Variants in SHC4 observed in about 807,000 individuals in gnomAD.
SHC4 encodes the protein SHC-transforming protein 4.
Under a neutral mutation model 69.4 loss-of-function variants are expected in SHC4, and 41 were observed. The observed-to-expected ratio is 0.59, with a 90% CI of 0.46 to 0.77. The LOEUF (loss-of-function observed/expected upper bound fraction) is 0.77, where lower values mean the gene tolerates loss of function less well. Among genes scored for constraint, SHC4 ranks in the 30% least tolerant of loss-of-function variants. The probability of loss-of-function intolerance (pLI) is 0.00; values close to 1 mark genes in which losing one functional copy is unlikely to be tolerated. For missense variants in SHC4, 777 were observed against 783.8 expected (o/e 0.99, Z 0.10); for synonymous variants, 318 against 299.3 (o/e 1.06, Z -0.64).
chr15:48,931,471 C>T (rs1900963706), intron 1 of SHC4, among the ~76,000 whole-genome samples: 1 of 152,166 alleles, frequency 6.6e-6, no homozygotes, highest in Non-Finnish European at 1.5e-5. Flanking sequence ...AATAGTATCA[C>T]TATCTACCTA....
chr15:48,898,718 A>G (rs1900266261), intron 2 of SHC4, among the ~76,000 whole-genome samples: 1 of 152,192 alleles, frequency 6.6e-6, no homozygotes, highest in African/African-American at 2.4e-5. Context: ...GTTAACGGAC[A>G]TTAAGTGCTG....
intron 4 of SHC4, chr15:48,878,018 C>G: frequency 2.2e-6 from 2 of 906,608 alleles, no homozygotes; most frequent in Admixed American, 2.9e-5. Flanking sequence ...CTGAGCTACT[C>G]CAACCACAGT....
intron 9 of SHC4, among the ~76,000 whole-genome samples, chr15:48,845,861 T>A (rs1333566402): frequency 1.3e-5 from 2 of 152,234 alleles, no homozygotes; most frequent in East Asian, 3.8e-4. Flanking sequence ...ATTTGTGTTT[T>A]ATGATACATG....
At chr15:48,851,857 G>T (rs951443430) in intron 8 of SHC4, among the ~76,000 whole-genome samples, 1 of 152,262 alleles carries the variant, frequency 6.6e-6, no homozygotes, top group Middle Eastern at 3.4e-3. Flanking sequence ...TCAGGAAATG[G>T]TCTTTCAGAA....
intron 1 of SHC4, among the ~76,000 whole-genome samples, chr15:48,928,096 T>C (rs1329091866): frequency 1.3e-5 from 2 of 151,964 alleles, no homozygotes; most frequent in East Asian, 3.9e-4. Context: ...CGGAGGGAGG[T>C]GAAGGCTTGG....
At chr15:48,842,607 T>C (rs1224498715) in intron 10 of SHC4, among the ~76,000 whole-genome samples, 1 of 152,108 alleles carries the variant, frequency 6.6e-6, no homozygotes, top group Non-Finnish European at 1.5e-5. Context: ...AAATATGAGA[T>C]AGTACAATTA....
At chr15:48,880,674 A>G (rs1439029229) in intron 4 of SHC4, among the ~76,000 whole-genome samples, 3 of 152,152 alleles carry the variant, frequency 2.0e-5, no homozygotes, top group Non-Finnish European at 4.4e-5. Flanking sequence ...GGGCTCTGCA[A>G]TTGACTTGGT....
chr15:48,884,984 T>C (rs1289567999), intron 3 of SHC4, among the ~76,000 whole-genome samples: 1 of 152,254 alleles, frequency 6.6e-6, no homozygotes, highest in Non-Finnish European at 1.5e-5. Context: ...AGGAAGGGGT[T>C]AGCCCATTCC....
chr15:48,872,402 G>C (rs1279704179), intron 4 of SHC4, among the ~76,000 whole-genome samples: 1 of 152,102 alleles, frequency 6.6e-6, no homozygotes, highest in African/African-American at 2.4e-5. Flanking sequence ...CATCTCTCTG[G>C]ATACAGCAGA....
chr15:48,872,330 C>T (rs573880000), intron 4 of SHC4, among the ~76,000 whole-genome samples, 188 bp from the exon 5 acceptor site: 2 of 152,286 alleles, frequency 1.3e-5, no homozygotes, highest in East Asian at 3.9e-4. Context: ...TTGTGATGCC[C>T]ATCTCACTGC....
chr15:48,949,051 C>A (rs1326529162), intron 1 of SHC4, among the ~76,000 whole-genome samples: 1 of 152,190 alleles, frequency 6.6e-6, no homozygotes, highest in Admixed American at 6.5e-5. Flanking sequence ...TCTCTCCCAT[C>A]CCATCCTAGG....
intron 2 of SHC4, among the ~76,000 whole-genome samples, chr15:48,904,929 C>CAG (rs1389665990): frequency 1.4e-5 from 2 of 138,742 alleles, no homozygotes; most frequent in Non-Finnish European, 3.1e-5. Context: ...CACACACACA[C>CAG]ACACAGACAC....
Position 48,899,582 on chromosome 15 carries a change from GT to G in SHC4, c.657-8772del, listed in dbSNP as rs559443244. On this transcript the variant is annotated intron_variant, in intron 2 of 11. Coordinates refer to ENST00000332408, the MANE Select transcript of SHC4 (RefSeq NM_203349.4). ...TAATGAATATATTACTTCTACCACT[GT>G]TTTTTTTTTTAAATAACTCTGGTTC... 5.4e-4 allele frequency among the ~76,000 whole-genome samples: 80 copies of G among 147,132 alleles called. No individual in the cohort carries two copies. In the East Asian group the frequency reaches 8.1e-3, roughly 15 times the overall value.
At chr15:48,915,665 C>T (rs1289408348) in intron 2 of SHC4, among the ~76,000 whole-genome samples, 1 of 152,188 alleles carries the variant, frequency 6.6e-6, no homozygotes, top group Non-Finnish European at 1.5e-5. Flanking sequence ...TGGCCATGAA[C>T]CTTGACCCTT....
At chr15:48,854,872 C>G (rs1278172603) in intron 8 of SHC4, among the ~76,000 whole-genome samples, 1 of 152,096 alleles carries the variant, frequency 6.6e-6, no homozygotes, top group Non-Finnish European at 1.5e-5. Context: ...ACTATGCTCA[C>G]TACCTGGCTG....
chr15:48,857,190 C>T (rs757031004), intron 7 of SHC4, among the ~76,000 whole-genome samples: 6 of 152,150 alleles, frequency 3.9e-5, no homozygotes, highest in South Asian at 2.1e-4. Flanking sequence ...TGGGTCCCAC[C>T]GTGTTCCACT....
In SHC4 at chr15:48,915,720, A is replaced by G. The variant is rs190346486; in HGVS notation, c.656+9159T>C. 1.7e-3 allele frequency among the ~76,000 whole-genome samples: 262 copies of G among 152,374 alleles called. 1 individual carries two copies. Among genetic ancestry groups the G allele is most frequent in the African/African-American group, 6.2e-3 (256 of 41,584 alleles). ...GGGCCTTAACACCCTTTCCTGACCA[A>G]TGAACAATGCAACCTGTTTTAATCA... is the stretch of plus-strand genomic sequence containing the variant. On this transcript the variant is annotated intron_variant, in intron 2 of 11. Coordinates refer to ENST00000332408, the MANE Select transcript of SHC4 (RefSeq NM_203349.4).
At chr15:48,919,696 A>G (rs181933225) in intron 2 of SHC4, among the ~76,000 whole-genome samples, 2 of 152,056 alleles carry the variant, frequency 1.3e-5, no homozygotes, top group African/African-American at 4.8e-5. Context: ...AGATACTTTC[A>G]TGGCTGGATC....
chr15:48,920,040 A>C (rs1366464305), intron 2 of SHC4, among the ~76,000 whole-genome samples: 1 of 143,710 alleles, frequency 7.0e-6, no homozygotes, highest in Non-Finnish European at 1.5e-5. Flanking sequence ...TCTGAGACGG[A>C]GTCTTGCTCT....
Sources: gnomAD v4.1 joint callset for allele counts (sites outside exome capture counted in the v4.1 genomes callset) on GRCh38, gnomAD v4.1.1 for gene constraint, MANE v1.5 for transcripts, NCBI Gene and HGNC (gene_info 2026-07-23, HGNC 2026-07-21) for gene names.